IGSF21: variants seen among roughly 807,000 people sequenced by gnomAD.
The protein encoded by IGSF21 is immunoglobulin superfamily member 21.
IGSF21 carries 28 observed loss-of-function variants against 46.8 expected under a neutral mutation model. The ratio of observed to expected loss-of-function variants is 0.60; its 90% confidence interval spans 0.44 to 0.82. IGSF21 has a LOEUF of 0.82. Ranked by LOEUF, IGSF21 falls within the 40% of genes least tolerant of loss-of-function variation. The pLI is 0.00. For missense variants in IGSF21, 624 were observed against 665.5 expected (o/e 0.94, Z 0.69); for synonymous variants, 284 against 273.6 (o/e 1.04, Z -0.38).
chr1:18,196,551 G>A (rs77992753), intron 1 of IGSF21, among the ~76,000 whole-genome samples: 2 of 152,204 alleles, frequency 1.3e-5, no homozygotes, highest in Non-Finnish European at 2.9e-5. Flanking sequence ...GGGTCCTGAA[G>A]GTACCCCCTG....
intron 2 of IGSF21, among the ~76,000 whole-genome samples, chr1:18,263,462 T>C (rs1258091469): frequency 6.7e-6 from 1 of 148,842 alleles, no homozygotes; most frequent in Non-Finnish European, 1.5e-5. Flanking sequence ...CACATCTGAG[T>C]TTCAGGTTCA....
chr1:18,238,734 C>T (rs928176035), intron 2 of IGSF21, among the ~76,000 whole-genome samples: 9 of 152,054 alleles, frequency 5.9e-5, no homozygotes, highest in Admixed American at 1.3e-4. Flanking sequence ...GAGAAAGACA[C>T]GGCATATCTA....
chr1:18,275,043 C>CAAACAAA (rs111242716), intron 2 of IGSF21, among the ~76,000 whole-genome samples: 1,550 of 152,004 alleles, frequency 0.01, 30 homozygotes, highest in African/African-American at 0.035. Flanking sequence ...AACAAACAAA[C>CAAACAAA]AAAAAAGAAG....
At chr1:18,327,906 GAAAC>G (rs2085672893) in intron 3 of IGSF21, among the ~76,000 whole-genome samples, 1 of 152,112 alleles carries the variant, frequency 6.6e-6, no homozygotes, top group Non-Finnish European at 1.5e-5. Context: ...TAATAAAATT[GAAAC>G]AAACAAAGGC....
intron 2 of IGSF21, among the ~76,000 whole-genome samples, chr1:18,264,931 A>G (rs2084976815): frequency 6.6e-6 from 1 of 152,174 alleles, no homozygotes; most frequent in African/African-American, 2.4e-5. Flanking sequence ...GCTCAGGGCC[A>G]CCACACCGTG....
chr1:18,376,278 C>A (rs774556115), intron 6 of IGSF21, 32 bp from the exon 7 acceptor site: 1 of 1,457,016 alleles, frequency 6.9e-7, no homozygotes, highest in Non-Finnish European at 9.6e-7. Flanking sequence ...CCTTTCCTTA[C>A]TCTCTCTGAC....
chr1:18,347,920 A>G (rs564339465), intron 4 of IGSF21, among the ~76,000 whole-genome samples: 83 of 152,304 alleles, frequency 5.4e-4, no homozygotes, highest in Non-Finnish European at 1.1e-3. Flanking sequence ...GGGAGCACTG[A>G]GAGAGTCCCA....
chr1:18,366,185 G>A (rs1031224697), intron 6 of IGSF21, among the ~76,000 whole-genome samples: 4 of 152,150 alleles, frequency 2.6e-5, no homozygotes, highest in East Asian at 1.9e-4. Context: ...TAAAAAAGAT[G>A]GAAAGTCAGA....
chr1:18,212,677 G>A (rs535861723), intron 1 of IGSF21, among the ~76,000 whole-genome samples: 2 of 152,278 alleles, frequency 1.3e-5, no homozygotes, highest in South Asian at 4.1e-4. Flanking sequence ...CCCAACCCAG[G>A]GGGGGTCCTG....
chr1:18,151,870 A>C (rs1223040595), intron 1 of IGSF21, among the ~76,000 whole-genome samples: 1 of 152,134 alleles, frequency 6.6e-6, no homozygotes. Flanking sequence ...TTCATCTTCC[A>C]AATGGGACCA....
In IGSF21 at chr1:18,357,350, T is replaced by G. The variant is rs1413623040; in HGVS notation, c.425-4765T>G. Among the ~76,000 whole-genome samples the G allele has an allele frequency of 7.8e-5, 10 of 128,692 alleles. No individual in the cohort carries two copies. In the South Asian group the frequency reaches 1.9e-3, roughly 24 times the overall value. 84.4% of individuals were successfully genotyped at this position (128,692 alleles called of 152,430 possible). A position where few individuals can be genotyped will look rare whatever the true frequency, so the allele number is the denominator to read the frequency against. ...ATAAGGAAGGAGATGAAGATGGAGATGGGGATGGGGATATGGATGAATTGG... is the reference window on the plus strand; with the variant it reads ...ATAAGGAAGGAGATGAAGATGGAGAGGGGGATGGGGATATGGATGAATTGG... On this transcript the variant is annotated intron_variant, in intron 4 of 9. Transcript: ENST00000251296.
intron 4 of IGSF21, among the ~76,000 whole-genome samples, chr1:18,345,230 A>G (rs1299937440): frequency 6.6e-6 from 1 of 152,196 alleles, no homozygotes; most frequent in Non-Finnish European, 1.5e-5. Context: ...CCCCCACTGG[A>G]GAATGATCTC....
chr1:18,254,587 G>A (rs2084872893), intron 2 of IGSF21, among the ~76,000 whole-genome samples: 1 of 152,060 alleles, frequency 6.6e-6, no homozygotes, highest in African/African-American at 2.4e-5. Context: ...ATCCTTTCTA[G>A]TCTAGTAGGT....
chr1:18,147,246 A>G (rs946786619), intron 1 of IGSF21, among the ~76,000 whole-genome samples: 3 of 152,222 alleles, frequency 2.0e-5, no homozygotes, highest in African/African-American at 7.2e-5. Flanking sequence ...CGTGCTTGAC[A>G]TCAAATCCCA....
chr1:18,279,736 G>T (rs2085140059), intron 2 of IGSF21, among the ~76,000 whole-genome samples: 1 of 152,238 alleles, frequency 6.6e-6, no homozygotes. Context: ...GGACAGACAG[G>T]CTTCACTGGG....
At chr1:18,281,013 T>C (rs1337793215) in intron 2 of IGSF21, among the ~76,000 whole-genome samples, 1 of 152,210 alleles carries the variant, frequency 6.6e-6, no homozygotes, top group East Asian at 1.9e-4. Flanking sequence ...GCTGCTAATG[T>C]TTCTCTCCTG....
At chr1:18,170,335 G>T (rs2086724749) in intron 1 of IGSF21, among the ~76,000 whole-genome samples, 1 of 152,036 alleles carries the variant, frequency 6.6e-6, no homozygotes, top group African/African-American at 2.4e-5. Flanking sequence ...CTAGAATCCA[G>T]ATTTGTATAA....
intron 2 of IGSF21, among the ~76,000 whole-genome samples, chr1:18,239,742 C>T (rs556179429): frequency 2.6e-5 from 4 of 152,252 alleles, no homozygotes; most frequent in African/African-American, 9.6e-5. Context: ...CAAGGCCCAG[C>T]TTCAGTGTTG....
intron 4 of IGSF21, among the ~76,000 whole-genome samples, chr1:18,355,807 A>G (rs556985786): frequency 1.7e-4 from 25 of 148,786 alleles, no homozygotes; most frequent in Non-Finnish European, 2.4e-4. Flanking sequence ...GTAAATTATG[A>G]AACTCTGCCC....
Sources: allele counts gnomAD v4.1 joint callset (sites outside exome capture counted in the v4.1 genomes callset), GRCh38; gene constraint gnomAD v4.1.1; transcripts MANE v1.5; gene names NCBI Gene and HGNC (gene_info 2026-07-23, HGNC 2026-07-21).